The following CALN1 variants were observed in gnomAD, a reference collection of about 807,000 sequenced individuals.
CALN1 encodes the protein calcium-binding protein 8.
In CALN1, 17 loss-of-function variants were observed where a neutral mutation model predicts 30.6. That is an observed-to-expected ratio of 0.56 (90% CI 0.38 to 0.83). The LOEUF is 0.83. CALN1 is among the 40% of genes least tolerant of loss of function. CALN1 has a pLI of 0.00. For missense variants in CALN1, 291 were observed against 354.9 expected, an observed-to-expected ratio of 0.82 and a Z score of 1.45; for synonymous variants, 156 against 131.4, an observed-to-expected ratio of 1.19 and a Z score of -1.28.
intron 2 of CALN1, among the ~76,000 whole-genome samples, chr7:72,337,939 G>A (rs1165756443): frequency 1.3e-5 from 2 of 152,234 alleles, no homozygotes; most frequent in Admixed American, 6.5e-5. Context: ...GACCTCTACT[G>A]AGTCTACGCC....
intron 2 of CALN1, among the ~76,000 whole-genome samples, chr7:72,279,600 C>T (rs1797595311): frequency 6.6e-6 from 1 of 152,174 alleles, no homozygotes; most frequent in Admixed American, 6.5e-5. Flanking sequence ...TCCACTAATG[C>T]AAGGCTGACT....
chr7:72,212,152 A>C (rs529496947), intron 3 of CALN1, among the ~76,000 whole-genome samples: 1 of 152,082 alleles, frequency 6.6e-6, no homozygotes, highest in Non-Finnish European at 1.5e-5. Flanking sequence ...GGAGATGGAG[A>C]CCATCCTGGC....
At chr7:72,261,864 A>G (rs1421134970) in intron 3 of CALN1, among the ~76,000 whole-genome samples, 1 of 152,180 alleles carries the variant, frequency 6.6e-6, no homozygotes, top group Non-Finnish European at 1.5e-5. Flanking sequence ...TGAAACAAAA[A>G]TGGCCTTGAA....
At chr7:72,224,491 G>A (rs984586257) in intron 3 of CALN1, among the ~76,000 whole-genome samples, 4 of 152,328 alleles carry the variant, frequency 2.6e-5, no homozygotes, top group Non-Finnish European at 5.9e-5. Flanking sequence ...TGTTTAAAAA[G>A]AGCAGGATAT....
At chr7:72,453,611 C>T in the CALN1 span, among the ~76,000 whole-genome samples, 6 of 152,322 alleles carry the variant, frequency 3.9e-5, no homozygotes, top group Non-Finnish European at 8.8e-5. Context: ...TTACAAATCT[C>T]TGGGTTTTTT....
At chr7:72,325,148 A>G (rs1463167871) in intron 2 of CALN1, among the ~76,000 whole-genome samples, 1 of 152,050 alleles carries the variant, frequency 6.6e-6, no homozygotes, top group Non-Finnish European at 1.5e-5. Context: ...AAAAAATTTT[A>G]AAAGTAGCTG....
At chr7:72,111,274 C>T (rs1426222731) in intron 3 of CALN1, among the ~76,000 whole-genome samples, 3 of 152,176 alleles carry the variant, frequency 2.0e-5, no homozygotes, top group South Asian at 2.1e-4. Flanking sequence ...CGTGGCAACA[C>T]GCATCGTCTG....
At chr7:72,221,955 G>A (rs1295218767) in intron 3 of CALN1, among the ~76,000 whole-genome samples, 1 of 151,938 alleles carries the variant, frequency 6.6e-6, no homozygotes, top group African/African-American at 2.4e-5. Flanking sequence ...GCCAGGTGCA[G>A]TGGCTCACGC....
At chr7:72,282,731 G>C (rs569529491) in intron 2 of CALN1, among the ~76,000 whole-genome samples, 1 of 152,320 alleles carries the variant, frequency 6.6e-6, no homozygotes, top group African/African-American at 2.4e-5. Context: ...ATTTGTTACA[G>C]CAGTAGAAAC....
At chr7:71,811,681 T>C (rs929551566) in intron 5 of CALN1, among the ~76,000 whole-genome samples, 2 of 64,040 alleles carry the variant, frequency 3.1e-5, no homozygotes, top group East Asian at 1.2e-3. Flanking sequence ...TTTTTCTTTT[T>C]TTTTTTTTTT....
intron 2 of CALN1, among the ~76,000 whole-genome samples, chr7:72,389,156 G>A (rs1467793139): frequency 2.0e-5 from 3 of 152,100 alleles, no homozygotes; most frequent in East Asian, 1.9e-4. Flanking sequence ...GGCTCCCAAG[G>A]TCTCCATGGC....
intron 5 of CALN1, among the ~76,000 whole-genome samples, chr7:71,973,515 AC>A (rs1797953246): frequency 6.6e-6 from 1 of 152,104 alleles, no homozygotes; most frequent in African/African-American, 2.4e-5. Flanking sequence ...TGATGTTTGC[AC>A]CATAGAAATA....
intron 2 of CALN1, among the ~76,000 whole-genome samples, chr7:72,314,394 T>TAC (rs1290891730): frequency 1.7e-5 from 2 of 115,132 alleles, no homozygotes; most frequent in Non-Finnish European, 4.3e-5. Flanking sequence ...CACATATATA[T>TAC]ACACATATAT....
intron 2 of CALN1, among the ~76,000 whole-genome samples, chr7:72,342,893 A>G (rs1802448196): frequency 6.6e-6 from 1 of 152,192 alleles, no homozygotes; most frequent in African/African-American, 2.4e-5. Flanking sequence ...GTTGGAAGGT[A>G]AAATTTTTCA....
At chr7:72,313,884 G>A (rs2129556630) in intron 2 of CALN1, among the ~76,000 whole-genome samples, 1 of 152,236 alleles carries the variant, frequency 6.6e-6, no homozygotes, top group South Asian at 2.1e-4. Flanking sequence ...TTTCAAAGGA[G>A]ATGTGGAAGG....
At chr7:72,152,261 C>A (rs1431833835) in intron 3 of CALN1, among the ~76,000 whole-genome samples, 1 of 152,092 alleles carries the variant, frequency 6.6e-6, no homozygotes, top group Non-Finnish European at 1.5e-5. Context: ...CTCTGCCTCC[C>A]CTATGGGGAG....
At chr7:71,897,015 C>T (rs1793567156) in intron 5 of CALN1, among the ~76,000 whole-genome samples, 1 of 152,124 alleles carries the variant, frequency 6.6e-6, no homozygotes, top group Non-Finnish European at 1.5e-5. Flanking sequence ...AGAAGACCCC[C>T]ATCTCAGTCT....
chr7:72,366,333 G>T (rs1283874361), intron 2 of CALN1, among the ~76,000 whole-genome samples: 3 of 151,864 alleles, frequency 2.0e-5, no homozygotes, highest in Non-Finnish European at 4.4e-5. Context: ...ACACCACCAT[G>T]CCCAGCTAAT....
chr7:71,893,078 G>A (rs915648706), intron 5 of CALN1, among the ~76,000 whole-genome samples: 8 of 152,076 alleles, frequency 5.3e-5, no homozygotes, highest in South Asian at 2.1e-4. Context: ...TGTTCATTAC[G>A]TTAGATACCA....
Sources: allele counts gnomAD v4.1 joint callset (sites outside exome capture counted in the v4.1 genomes callset), GRCh38; gene constraint gnomAD v4.1.1; transcripts MANE v1.5; gene names NCBI Gene and HGNC (gene_info 2026-07-23, HGNC 2026-07-21).